Variants in DLGAP1 observed in about 807,000 individuals in gnomAD.
The protein encoded by DLGAP1 is DLG associated protein 1.
In DLGAP1, 11 loss-of-function variants were observed where a neutral mutation model predicts 90.8. The ratio of observed to expected loss-of-function variants is 0.12; its 90% CI spans 0.08 to 0.20. DLGAP1 has a LOEUF of 0.20. Among genes scored for constraint, DLGAP1 ranks in the 10% least tolerant of loss-of-function variants. DLGAP1 has a pLI of 1.00. For synonymous variants in DLGAP1, 558 were observed against 540.7 expected (o/e 1.03, Z -0.44); for missense variants, 1,050 against 1,333.8 (o/e 0.79, Z 3.31).
At chr18:3,522,238 G>C (rs1378121245) in intron 10 of DLGAP1, among the ~76,000 whole-genome samples, 1 of 147,560 alleles carries the variant, frequency 6.8e-6, no homozygotes, top group Non-Finnish European at 1.5e-5. Context: ...CCGGATTCAA[G>C]TGATTCTCCT....
intron 3 of DLGAP1, among the ~76,000 whole-genome samples, chr18:3,893,649 C>A (rs979049543): frequency 6.6e-6 from 1 of 150,692 alleles, no homozygotes; most frequent in African/African-American, 2.4e-5. Flanking sequence ...TATTGGTGAA[C>A]ACAGGTTGAC....
At chr18:4,113,392 C>T (rs550338500) in intron 2 of DLGAP1, among the ~76,000 whole-genome samples, 13 of 152,008 alleles carry the variant, frequency 8.6e-5, no homozygotes, top group East Asian at 5.8e-4. Flanking sequence ...GTTTGTTGAC[C>T]GTTTGTGAAT....
At chr18:4,094,138 T>G (rs898591396) in intron 2 of DLGAP1, among the ~76,000 whole-genome samples, 1 of 151,936 alleles carries the variant, frequency 6.6e-6, no homozygotes, top group African/African-American at 2.4e-5. Context: ...TGACTGGAAT[T>G]AAAAAAAATA....
chr18:4,108,312 A>G (rs2075905880), intron 2 of DLGAP1, among the ~76,000 whole-genome samples: 1 of 152,138 alleles, frequency 6.6e-6, no homozygotes, highest in Non-Finnish European at 1.5e-5. Context: ...GATCACACCC[A>G]TTGGTCCTCC....
At chr18:3,741,008 CCACCACCAT>C (rs2062905539) in intron 6 of DLGAP1, among the ~76,000 whole-genome samples, 1 of 101,478 alleles carries the variant, frequency 9.9e-6, no homozygotes, top group Non-Finnish European at 2.0e-5. Context: ...CTCACCACCA[CCACCACCAT>C]CACCACCACC....
At chr18:3,534,120 AAAC>A in intron 10 of DLGAP1, 71 bp downstream of exon 10, 1 of 1,498,476 alleles carries the variant, frequency 6.7e-7, no homozygotes, top group East Asian at 2.3e-5. Flanking sequence ...GCAGAGAAGA[AAAC>A]AACAAGGTCT....
At position 3,581,924 on chromosome 18, in the gene DLGAP1, C is replaced by A; in HGVS notation, c.1916G>T (p.Arg639Met). The A allele has an allele frequency of 6.2e-7, 1 of 1,614,206 alleles. No homozygotes were observed. ...ATTTTTCTTAAAGTGGTCCTTCTTC[C>A]TGTCCTCCGTGGTGACGGTGGCTAT... ...TTIATVTTED[R>M]KKDHFKKNRC... Residue 639 changes from arginine (R) to methionine (M), a missense_variant, in exon 8 of 13, where the codon AGG becomes ATG. Physicochemically the swap from Arg to Met is moderately conservative, Grantham distance 91. This residue lies in a region of DLGAP1 where 565 missense variants were observed against 879.7 expected (regional missense o/e 0.64). Coordinates refer to ENST00000315677, the MANE Select transcript of DLGAP1 (RefSeq NM_004746.4).
At chr18:3,902,389 C>T (rs1775031398) in intron 3 of DLGAP1, among the ~76,000 whole-genome samples, 1 of 152,106 alleles carries the variant, frequency 6.6e-6, no homozygotes, top group Admixed American at 6.5e-5. Flanking sequence ...AATACAACAT[C>T]AGTAGAAATG....
intron 4 of DLGAP1, among the ~76,000 whole-genome samples, chr18:3,825,024 A>G (rs977945013): frequency 1.3e-5 from 2 of 152,212 alleles, no homozygotes; most frequent in Non-Finnish European, 2.9e-5. Context: ...ACTTTAAGCT[A>G]CGTTTCAATC....
intron 5 of DLGAP1, among the ~76,000 whole-genome samples, chr18:3,810,264 T>C (rs946936441): frequency 1.3e-5 from 2 of 152,162 alleles, no homozygotes; most frequent in Non-Finnish European, 2.9e-5. Context: ...CCTTAGGCCT[T>C]ATATGTCTGA....
rs1326093042 is a variant in DLGAP1, at chr18:3,729,605, C to T, written c.1351-230G>A. Among the ~76,000 whole-genome samples, 5 of 152,036 alleles carry T rather than the reference C, an allele frequency of 3.3e-5. No individual in the cohort carries two copies. The highest frequency in any genetic ancestry group is 4.4e-5 in the Non-Finnish European group (3 of 68,006). On this transcript the variant is annotated intron_variant, in intron 6 of 12. Transcript: ENST00000315677. This position sits in a 1 kb window ranked among gnomAD's most constrained non-coding sequence, Gnocchi z 6.2. Reference sequence around the variant, plus strand: ...TGTATTTTTAGTAGAGACAGGGTTTCACCGTGTTGGCCAGGCTGGTCTCGA... The same window carrying T: ...TGTATTTTTAGTAGAGACAGGGTTTTACCGTGTTGGCCAGGCTGGTCTCGA...
At chr18:4,391,666 AC>A (rs2082343038) in intron 1 of DLGAP1, among the ~76,000 whole-genome samples, 1 of 151,838 alleles carries the variant, frequency 6.6e-6, no homozygotes, top group South Asian at 2.1e-4. Flanking sequence ...AGAAGCATAA[AC>A]CTTCAGGATT....
intron 3 of DLGAP1, among the ~76,000 whole-genome samples, chr18:3,945,927 G>A (rs1227334528): frequency 7.2e-5 from 11 of 152,206 alleles, no homozygotes; most frequent in South Asian, 4.1e-4. Flanking sequence ...AGAATCTGTC[G>A]ATGAAAATTA....
At chr18:4,441,628 A>T (rs528412727) in intron 1 of DLGAP1, among the ~76,000 whole-genome samples, 14 of 152,352 alleles carry the variant, frequency 9.2e-5, no homozygotes, top group African/African-American at 3.4e-4. Context: ...GCATCTCCAC[A>T]TGTAAGACGT....
At chr18:4,045,430 T>TCCAAAAAAA (rs2075035476) in intron 2 of DLGAP1, among the ~76,000 whole-genome samples, 1 of 16,594 alleles carries the variant, frequency 6.0e-5, no homozygotes, top group Admixed American at 9.3e-4. Context: ...ACCCCATCTC[T>TCCAAAAAAA]ACAAAAAAAA....
intron 4 of DLGAP1, among the ~76,000 whole-genome samples, chr18:3,839,633 C>T (rs2068599040): frequency 6.6e-6 from 1 of 152,120 alleles, no homozygotes; most frequent in Non-Finnish European, 1.5e-5. Context: ...CAGGGTACTG[C>T]TAGAAACAGA....
intron 3 of DLGAP1, among the ~76,000 whole-genome samples, chr18:3,906,185 T>C (rs957674384): frequency 2.0e-5 from 3 of 152,216 alleles, no homozygotes; most frequent in Admixed American, 2.0e-4. Flanking sequence ...AGAACTGAAC[T>C]ACATCTCGGA....
chr18:4,242,622 C>T (rs912668573), intron 1 of DLGAP1, among the ~76,000 whole-genome samples: 1 of 152,072 alleles, frequency 6.6e-6, no homozygotes, highest in Non-Finnish European at 1.5e-5. Flanking sequence ...AGGAAGAAAG[C>T]GGGAAGGGCA....
chr18:4,441,072 C>A (rs751030520), intron 1 of DLGAP1, among the ~76,000 whole-genome samples: 1 of 152,132 alleles, frequency 6.6e-6, no homozygotes, highest in Non-Finnish European at 1.5e-5. Context: ...TTTTTTACCC[C>A]TTGCTATTAA....
Sources: gnomAD v4.1 joint callset for allele counts (sites outside exome capture counted in the v4.1 genomes callset) on GRCh38, gnomAD v4.1.1 for gene constraint, gnomAD v4.1.1 regional missense constraint, Gnocchi (gnomAD v3.1) non-coding constraint, MANE v1.5 for transcripts, NCBI Gene and HGNC (gene_info 2026-07-23, HGNC 2026-07-21) for gene names.